The following UTRN variants were observed in gnomAD, a reference collection of about 807,000 sequenced individuals.
UTRN encodes the protein dystrophin-related protein 1.
A neutral mutation model predicts 463.9 loss-of-function variants in UTRN; 283 were observed. That is an observed-to-expected ratio of 0.61 (90% CI 0.55 to 0.67). The LOEUF is 0.67. Among genes scored for constraint, UTRN ranks in the 30% least tolerant of loss-of-function variants. The pLI is 0.00. For missense variants in UTRN, 3,922 were observed against 4,084.3 expected (o/e 0.96, Z 1.08); for synonymous variants, 1,442 against 1,431.5 (o/e 1.01, Z -0.17).
At chr6:144,841,973 G>T (rs1781613516) in intron 73 of UTRN, among the ~76,000 whole-genome samples, 1 of 151,960 alleles carries the variant, frequency 6.6e-6, no homozygotes, top group Non-Finnish European at 1.5e-5. Flanking sequence ...AGCCGGGCAT[G>T]GTGGCATGCA....
intron 6 of UTRN, among the ~76,000 whole-genome samples, chr6:144,424,936 A>G (rs936327878): frequency 2.6e-5 from 4 of 152,238 alleles, no homozygotes; most frequent in African/African-American, 9.6e-5. Flanking sequence ...ATTATTAAAT[A>G]TGAAAACTTA....
chr6:144,714,954 T>A (rs1223187046), intron 53 of UTRN, among the ~76,000 whole-genome samples: 1 of 151,328 alleles, frequency 6.6e-6, no homozygotes. Flanking sequence ...TCAGTTTCCC[T>A]TCCTGGTTCT....
At chr6:144,464,203 G>A in intron 23 of UTRN, among the ~76,000 whole-genome samples, 1 of 152,166 alleles carries the variant, frequency 6.6e-6, no homozygotes, top group East Asian at 1.9e-4. Context: ...CGTGGTAGAA[G>A]AGGAGCTGGA....
At chr6:144,427,916 T>C (rs1785436877) in intron 7 of UTRN, among the ~76,000 whole-genome samples, 1 of 152,064 alleles carries the variant, frequency 6.6e-6, no homozygotes, top group South Asian at 2.1e-4. Flanking sequence ...GTGTAGTATA[T>C]AGAAATGTAC....
intron 51 of UTRN, among the ~76,000 whole-genome samples, chr6:144,677,399 G>A (rs1350140427): frequency 6.6e-6 from 1 of 152,078 alleles, no homozygotes; most frequent in Non-Finnish European, 1.5e-5. Flanking sequence ...AGTTGCTGAG[G>A]ATGATGGTTT....
At position 144,499,438 on chromosome 6, in the gene UTRN, G is replaced by A; in HGVS notation, c.4764+11G>A. 6.3e-7 allele frequency: 1 copy of A among 1,589,936 alleles called. No individual in the cohort carries two copies. The highest frequency in any genetic ancestry group is 2.3e-5 in the East Asian group (1 of 44,260). On this transcript the variant is annotated intron_variant, in intron 34 of 74. Coordinates refer to ENST00000367545, the MANE Select transcript of UTRN (RefSeq NM_007124.3). ...ATTTCCTGGGCTAAAGTAAGTTGCA[G>A]TTCAGATGAAACACCAGCATGATGC...
At chr6:144,526,602 G>A (rs1796590388) in intron 41 of UTRN, among the ~76,000 whole-genome samples, 1 of 152,100 alleles carries the variant, frequency 6.6e-6, no homozygotes, top group Non-Finnish European at 1.5e-5. Flanking sequence ...CTTGAAGACA[G>A]CAGTTACTTG....
At chr6:144,772,015 GGT>G in intron 59 of UTRN, 47 bp downstream of exon 59, 3 of 239,820 alleles carry the variant, frequency 1.3e-5, no homozygotes, top group Non-Finnish European at 1.6e-5. Context: ...ACTGAGAACC[GGT>G]TTTTTTTTTT....
At chr6:144,711,008 T>G (rs1451016895) in intron 53 of UTRN, among the ~76,000 whole-genome samples, 3 of 152,120 alleles carry the variant, frequency 2.0e-5, no homozygotes, top group African/African-American at 7.2e-5. Flanking sequence ...ATGTAGTGTT[T>G]TAAGGACTGT....
At position 144,629,855 on chromosome 6, in the gene UTRN, A is replaced by G. The variant is rs9373419; in HGVS notation, c.7480-48551A>G. Reference sequence around the variant, plus strand: ...TGCTAATGTAGAATGGAGATCTAGAATATGGAAGACAGTTTAAAACATTTT... The same window carrying G: ...TGCTAATGTAGAATGGAGATCTAGAGTATGGAAGACAGTTTAAAACATTTT... On this transcript the variant is annotated intron_variant, in intron 51 of 74. Transcript: ENST00000367545. Among the ~76,000 whole-genome samples, 7,443 of 152,302 alleles carry G rather than the reference A, an allele frequency of 0.049. 831 individuals carry two copies. The East Asian group carries it at 0.52, about 11-fold the overall frequency.
At chr6:144,782,326 C>A (rs1775906063) in intron 61 of UTRN, among the ~76,000 whole-genome samples, 1 of 152,064 alleles carries the variant, frequency 6.6e-6, no homozygotes, top group African/African-American at 2.4e-5. Context: ...GAATGTACAT[C>A]TTTCATTTTA....
intron 51 of UTRN, among the ~76,000 whole-genome samples, chr6:144,589,541 G>A (rs977106485): frequency 3.3e-5 from 5 of 152,112 alleles, no homozygotes; most frequent in Non-Finnish European, 7.4e-5. Flanking sequence ...TGTAATTTTA[G>A]ATAGAGAATT....
intron 50 of UTRN, among the ~76,000 whole-genome samples, chr6:144,559,498 G>T (rs937722290): frequency 6.6e-6 from 1 of 152,022 alleles, no homozygotes; most frequent in African/African-American, 2.4e-5. Flanking sequence ...ATTTTAAATG[G>T]ACATCTTTGT....
intron 38 of UTRN, 43 bp from the exon 39 acceptor site, chr6:144,516,768 A>G (rs1169651545): frequency 7.2e-7 from 1 of 1,385,632 alleles, no homozygotes; most frequent in Non-Finnish European, 9.4e-7. Flanking sequence ...GACCTTATGC[A>G]TTTTTCTTTT....
intron 55 of UTRN, among the ~76,000 whole-genome samples, chr6:144,751,552 A>G (rs1791397267): frequency 6.6e-6 from 1 of 152,086 alleles, no homozygotes; most frequent in African/African-American, 2.4e-5. Flanking sequence ...CAAGTCCCAC[A>G]TTTCCCCATG....
chr6:144,448,268 T>C (rs755598164), intron 16 of UTRN, among the ~76,000 whole-genome samples: 13 of 152,198 alleles, frequency 8.5e-5, no homozygotes, highest in African/African-American at 2.9e-4. Flanking sequence ...GAAAACACTA[T>C]GCTAAGTATA....
intron 51 of UTRN, among the ~76,000 whole-genome samples, chr6:144,620,719 T>C (rs1775275021): frequency 6.6e-6 from 1 of 152,186 alleles, no homozygotes; most frequent in Non-Finnish European, 1.5e-5. Context: ...ACTCTTTACT[T>C]TTTTTCTTTT....
intron 16 of UTRN, 46 bp from the exon 17 acceptor site, chr6:144,448,554 A>T (rs376006544): frequency 9.4e-6 from 15 of 1,587,896 alleles, no homozygotes; most frequent in African/African-American, 2.7e-5. Context: ...TTACATCTCA[A>T]TGAAGCTGTT....
intron 51 of UTRN, among the ~76,000 whole-genome samples, chr6:144,605,029 C>A (rs988140458): frequency 6.6e-6 from 1 of 152,140 alleles, no homozygotes; most frequent in Non-Finnish European, 1.5e-5. Context: ...CACGATATAT[C>A]GTTGGCTTCC....
Sources: allele counts gnomAD v4.1 joint callset (sites outside exome capture counted in the v4.1 genomes callset), GRCh38; gene constraint gnomAD v4.1.1; transcripts MANE v1.5; gene names NCBI Gene and HGNC (gene_info 2026-07-23, HGNC 2026-07-21).